Variants in GALNTL6 observed in about 807,000 individuals in gnomAD.
The protein encoded by GALNTL6 is polypeptide N-acetylgalactosaminyltransferase like 6, also known as polypeptide N-acetylgalactosaminyltransferase-like 6.
A neutral mutation model predicts 73.7 loss-of-function variants in GALNTL6; 46 were observed. The observed-to-expected ratio is 0.62, with a 90% CI of 0.49 to 0.80. The LOEUF is 0.80. Among genes scored for constraint, GALNTL6 ranks in the 30% least tolerant of loss-of-function variants. The probability of loss-of-function intolerance (pLI) is 0.00; values close to 1 mark genes in which losing one functional copy is unlikely to be tolerated. For synonymous variants in GALNTL6, 259 were observed against 263.7 expected (o/e 0.98, Z 0.17); for missense variants, 604 against 755.0 (o/e 0.80, Z 2.34).
At chr4:172,612,042 A>G (rs1478406702) in intron 5 of GALNTL6, among the ~76,000 whole-genome samples, 4 of 152,074 alleles carry the variant, frequency 2.6e-5, no homozygotes, top group Non-Finnish European at 4.4e-5. Flanking sequence ...TTTTTGAAAA[A>G]GTAGGAGGAA....
intron 5 of GALNTL6, among the ~76,000 whole-genome samples, chr4:172,633,499 C>A (rs28790960): frequency 6.6e-6 from 1 of 152,120 alleles, no homozygotes; most frequent in Admixed American, 6.5e-5. Flanking sequence ...AATGCCTGTA[C>A]CCCCATTGTA....
intron 5 of GALNTL6, among the ~76,000 whole-genome samples, chr4:172,663,418 C>G (rs185997662): frequency 2.6e-5 from 4 of 152,326 alleles, no homozygotes; most frequent in Admixed American, 6.5e-5. Flanking sequence ...TGTCACCCTT[C>G]TGTTCACCAG....
intron 8 of GALNTL6, among the ~76,000 whole-genome samples, chr4:172,895,408 T>A (rs914153005): frequency 1.0e-4 from 15 of 150,338 alleles, no homozygotes; most frequent in African/African-American, 3.6e-4. Context: ...ATATATTTTT[T>A]TTTTGCTTTC....
At chr4:172,189,814 G>A (rs1369614253) in intron 2 of GALNTL6, among the ~76,000 whole-genome samples, 1 of 151,834 alleles carries the variant, frequency 6.6e-6, no homozygotes, top group African/African-American at 2.4e-5. Flanking sequence ...CTATTACAAT[G>A]ATAATAATAA....
At chr4:172,945,108 A>T (rs1704025052) in intron 9 of GALNTL6, among the ~76,000 whole-genome samples, 1 of 151,886 alleles carries the variant, frequency 6.6e-6, no homozygotes, top group African/African-American at 2.4e-5. Flanking sequence ...GAATACATGC[A>T]GCTGCAGCTA....
chr4:172,416,134 G>A (rs943306023), intron 5 of GALNTL6, among the ~76,000 whole-genome samples: 1 of 152,102 alleles, frequency 6.6e-6, no homozygotes, highest in African/African-American at 2.4e-5. Flanking sequence ...AAGAATTTTT[G>A]CTTTAAAAGA....
At chr4:172,310,011 A>C (rs1376884958) in intron 3 of GALNTL6, among the ~76,000 whole-genome samples, 2 of 152,154 alleles carry the variant, frequency 1.3e-5, no homozygotes, top group African/African-American at 4.8e-5. Context: ...CTGAAAATCT[A>C]ATGTAATCTA....
chr4:172,206,438 TGATGAG>T (rs1158279924), intron 2 of GALNTL6, among the ~76,000 whole-genome samples: 1 of 152,162 alleles, frequency 6.6e-6, no homozygotes, highest in African/African-American at 2.4e-5. Flanking sequence ...TGGCAGTCCT[TGATGAG>T]TGATTGTATC....
intron 10 of GALNTL6, among the ~76,000 whole-genome samples, chr4:172,984,886 T>C (rs1751225643): frequency 6.6e-6 from 1 of 152,166 alleles, no homozygotes; most frequent in Non-Finnish European, 1.5e-5. Context: ...ATAATGAACA[T>C]TTTTTATGCA....
intron 2 of GALNTL6, among the ~76,000 whole-genome samples, chr4:171,837,288 G>A (rs77087603): frequency 7.9e-5 from 12 of 152,014 alleles, no homozygotes; most frequent in African/African-American, 2.7e-4. Flanking sequence ...AAAAATCTAG[G>A]ACGTAATCCA....
intron 3 of GALNTL6, among the ~76,000 whole-genome samples, chr4:172,263,999 A>G (rs1560995873): frequency 6.6e-6 from 1 of 151,642 alleles, no homozygotes; most frequent in Non-Finnish European, 1.5e-5. Context: ...TTGTTTCTAT[A>G]GAGATCTCCA....
At chr4:171,856,533 G>T (rs1735697195) in intron 2 of GALNTL6, among the ~76,000 whole-genome samples, 1 of 152,076 alleles carries the variant, frequency 6.6e-6, no homozygotes, top group Non-Finnish European at 1.5e-5. Flanking sequence ...CCTATAGGAG[G>T]TTTATGGTTT....
chr4:172,687,638 A>C (rs1157856348), intron 5 of GALNTL6, among the ~76,000 whole-genome samples: 2 of 151,874 alleles, frequency 1.3e-5, no homozygotes, highest in Non-Finnish European at 1.5e-5. Context: ...AAAAAAAAAA[A>C]AAAAAAATTT....
At chr4:172,815,004 G>T (rs1250470490) in intron 7 of GALNTL6, among the ~76,000 whole-genome samples, 1 of 152,004 alleles carries the variant, frequency 6.6e-6, no homozygotes. Flanking sequence ...AAATTTCATG[G>T]GTATTCAAAA....
intron 5 of GALNTL6, among the ~76,000 whole-genome samples, chr4:172,570,295 A>G (rs1736712858): frequency 1.3e-5 from 2 of 152,106 alleles, no homozygotes; most frequent in African/African-American, 2.4e-5. Flanking sequence ...GGAGGATGGG[A>G]GAAGGCTGGT....
At position 173,021,621 on chromosome 4, in the gene GALNTL6, G is replaced by T. The variant is rs770282365; in HGVS notation, c.1634G>T (p.Arg545Leu). 3 of 1,613,658 alleles carry T rather than the reference G, an allele frequency of 1.9e-6. No homozygotes were observed. In the East Asian group the frequency reaches 6.7e-5, roughly 36 times the overall value. ...AAGGGGAACCAGCTCTGGGGATACC[G>T]GAAGGTAAGAGTCAGTCCACTGTGG... ...GMKGNQLWGY[R>L]KDRTLFHPVS... is the part of the protein sequence containing the mutation. Residue 545 changes from arginine (R) to leucine (L), a missense_variant, in exon 12 of 13, where the codon CGG (arginine) becomes CTG (leucine). By Grantham distance (102) the Arg-to-Leu change is moderately radical (BLOSUM62 -2). Coordinates refer to ENST00000506823, the MANE Select transcript of GALNTL6 (RefSeq NM_001034845.3).
At chr4:172,331,782 A>G (rs1412140300) in intron 4 of GALNTL6, among the ~76,000 whole-genome samples, 1 of 152,124 alleles carries the variant, frequency 6.6e-6, no homozygotes, top group Non-Finnish European at 1.5e-5. Flanking sequence ...TCATCCCTCA[A>G]CAAACATTTG....
intron 2 of GALNTL6, among the ~76,000 whole-genome samples, chr4:172,196,750 A>G (rs1560964805): frequency 6.6e-6 from 1 of 152,196 alleles, no homozygotes; most frequent in South Asian, 2.1e-4. Flanking sequence ...CCATCTCTTT[A>G]TATTAAAAAT....
chr4:172,456,893 A>T (rs978523614), intron 5 of GALNTL6, among the ~76,000 whole-genome samples: 1 of 152,106 alleles, frequency 6.6e-6, no homozygotes, highest in Non-Finnish European at 1.5e-5. Context: ...CCCAAAACAC[A>T]TAATTGTCAG....
Sources: allele counts gnomAD v4.1 joint callset (sites outside exome capture counted in the v4.1 genomes callset), GRCh38; gene constraint gnomAD v4.1.1; transcripts MANE v1.5; gene names NCBI Gene and HGNC (gene_info 2026-07-23, HGNC 2026-07-21).